Variants in EHBP1 observed in about 807,000 individuals in gnomAD.
The protein encoded by EHBP1 is EH domain-binding protein 1.
A neutral mutation model predicts 144.0 loss-of-function variants in EHBP1; 55 were observed. The ratio of observed to expected loss-of-function variants is 0.38; its 90% CI spans 0.31 to 0.48. The LOEUF (loss-of-function observed/expected upper bound fraction) is 0.48, where lower values mean the gene tolerates loss of function less well. Among genes scored for constraint, EHBP1 ranks in the 20% least tolerant of loss-of-function variants. The pLI is 0.98. For missense variants in EHBP1, 1,200 were observed against 1,364.2 expected (o/e 0.88, Z 1.90); for synonymous variants, 469 against 472.7 (o/e 0.99, Z 0.10).
At chr2:62,984,340 G>A (rs2059101005) in intron 15 of EHBP1, among the ~76,000 whole-genome samples, 1 of 152,062 alleles carries the variant, frequency 6.6e-6, no homozygotes. Context: ...TTATAGTGCT[G>A]TGCAGTGTCA....
intron 19 of EHBP1, among the ~76,000 whole-genome samples, chr2:63,035,582 A>G (rs2061414087): frequency 6.6e-6 from 1 of 152,126 alleles, no homozygotes; most frequent in South Asian, 2.1e-4. Context: ...AAAACCTCAA[A>G]TTATAGGTTA....
intron 19 of EHBP1, among the ~76,000 whole-genome samples, chr2:63,036,085 G>C (rs1202214433): frequency 2.0e-5 from 3 of 151,838 alleles, no homozygotes; most frequent in African/African-American, 7.2e-5. Flanking sequence ...TATTTTATAG[G>C]GATGCTCTGA....
intron 10 of EHBP1, among the ~76,000 whole-genome samples, chr2:62,923,265 A>G (rs1272373205): frequency 6.6e-6 from 1 of 151,902 alleles, no homozygotes; most frequent in Admixed American, 6.6e-5. Context: ...AACTCTCACT[A>G]CCCTCACTTC....
At chr2:63,027,087 G>T (rs1449468368) in intron 19 of EHBP1, among the ~76,000 whole-genome samples, 1 of 152,186 alleles carries the variant, frequency 6.6e-6, no homozygotes, top group Non-Finnish European at 1.5e-5. Flanking sequence ...GTGGCTAAGA[G>T]TGGTGGCTCA....
chr2:62,755,758 G>A lies in EHBP1; in HGVS notation c.162+8306G>A, dbSNP rs143578424. ...GGTCAATATAAGCTTTTGTGGGAAGGACCAATATAAGTTTATCCACTAAGT... is the reference window on the plus strand; with the variant it reads ...GGTCAATATAAGCTTTTGTGGGAAGAACCAATATAAGTTTATCCACTAAGT... On this transcript the variant is annotated intron_variant, in intron 3 of 22. Coordinates refer to ENST00000431489, the MANE Select transcript of EHBP1 (RefSeq NM_001142616.3). 2.6e-4 allele frequency among the ~76,000 whole-genome samples: 40 copies of A among 152,214 alleles called. No individual in the cohort carries two copies. The East Asian group carries it at 7.7e-3, about 29-fold the overall frequency.
intron 10 of EHBP1, among the ~76,000 whole-genome samples, chr2:62,876,954 A>C (rs759987830): frequency 6.6e-6 from 1 of 152,192 alleles, no homozygotes; most frequent in South Asian, 2.1e-4. Context: ...TCTATATAAC[A>C]ATTAGCTTAA....
At chr2:62,898,952 G>A (rs1469475212) in intron 10 of EHBP1, among the ~76,000 whole-genome samples, 1 of 152,098 alleles carries the variant, frequency 6.6e-6, no homozygotes, top group African/African-American at 2.4e-5. Flanking sequence ...TGTAGAATAT[G>A]CACCTACACG....
At chr2:62,964,240 G>A (rs2058133282) in intron 14 of EHBP1, among the ~76,000 whole-genome samples, 1 of 152,010 alleles carries the variant, frequency 6.6e-6, no homozygotes. Context: ...CGAACCCCTA[G>A]CCTCAAAAGT....
chr2:62,874,375 C>T lies in EHBP1; in HGVS notation c.1028C>T (p.Thr343Ile). ...AATCCTTTTTATGAACCTAAATCAA[C>T]TCCTCCTCCAAATAATTTGGTAAAT... ...ESNPFYEPKS[T>I]PPPNNLVNPV... Residue 343 changes from threonine (T) to isoleucine (I), a missense_variant, in exon 10 of 23, where the codon ACT becomes ATT. By Grantham distance (89) the Thr-to-Ile change is moderately conservative. Coordinates refer to ENST00000431489, the MANE Select transcript of EHBP1 (RefSeq NM_001142616.3). 6.2e-7 allele frequency: 1 copy of T among 1,605,044 alleles called. No homozygotes were observed. Among genetic ancestry groups the T allele is most frequent in the Non-Finnish European group, 8.5e-7 (1 of 1,176,186 alleles).
rs565694989 is a variant in EHBP1, at chr2:63,000,384, G to GT, written c.3103+3629dup. Among the ~76,000 whole-genome samples, 357 of 146,840 alleles carry GT rather than the reference G, an allele frequency of 2.4e-3. 3 individuals are homozygous for GT. The South Asian group carries it at 0.033, about 13-fold the overall frequency. On this transcript the variant is annotated intron_variant, in intron 19 of 22. Transcript: ENST00000431489. The stretch of plus-strand genomic sequence containing the variant: ...CCATGCTGTGTATGTGAGTGTGTGT[G>GT]TTTTTTTTTTTCTTTTAAACTATAT...
chr2:62,923,630 G>A (rs1183091895), intron 10 of EHBP1, among the ~76,000 whole-genome samples: 1 of 152,116 alleles, frequency 6.6e-6, no homozygotes, highest in Admixed American at 6.5e-5. Flanking sequence ...GGAGCTCCCA[G>A]GCTGCCTACA....
chr2:62,839,573 G>C (rs1392422847), intron 7 of EHBP1, among the ~76,000 whole-genome samples: 1 of 150,006 alleles, frequency 6.7e-6, no homozygotes, highest in Non-Finnish European at 1.5e-5. Flanking sequence ...CAGATGACAT[G>C]ATTGTATATC....
At chr2:62,905,113 G>C (rs2053693049) in intron 10 of EHBP1, among the ~76,000 whole-genome samples, 1 of 152,172 alleles carries the variant, frequency 6.6e-6, no homozygotes. Flanking sequence ...GCATGAACTG[G>C]ATAAAGATAT....
Position 62,955,535 on chromosome 2 carries a change from CAAG to C in EHBP1, c.2341_2343del (p.Glu781del). On this transcript the variant is annotated inframe_deletion, in exon 14 of 23. Coordinates refer to ENST00000431489, the MANE Select transcript of EHBP1 (RefSeq NM_001142616.3). ...TTTTAAGCATCGATTGTTATCTAGA[CAAG>C]AAGAACTTAAGGAAAGAGCAAGAGT... The C allele has an allele frequency of 1.2e-5, 20 of 1,610,552 alleles. No homozygotes were observed. The highest frequency in any genetic ancestry group is 1.7e-5 in the Non-Finnish European group (20 of 1,178,228).
At chr2:62,724,379 T>C (rs941516806) in intron 2 of EHBP1, among the ~76,000 whole-genome samples, 1 of 152,226 alleles carries the variant, frequency 6.6e-6, no homozygotes, top group Non-Finnish European at 1.5e-5. Context: ...CTGCATTGTT[T>C]TATTGTGATT....
At position 62,972,585 on chromosome 2, in the gene EHBP1, A is replaced by C. The variant is rs562930062; in HGVS notation, c.2461-6603A>C. ...CAAGCTTTTCCTTCATGACCTTAAC[A>C]ATTAACTTTTATTTTCTCAGTTGGT... On this transcript the variant is annotated intron_variant, in intron 14 of 22. Coordinates refer to ENST00000431489, the MANE Select transcript of EHBP1 (RefSeq NM_001142616.3). Among the ~76,000 whole-genome samples the C allele has an allele frequency of 5.3e-5, 8 of 152,282 alleles. No individual in the cohort carries two copies. The East Asian group carries it at 1.5e-3, about 29-fold the overall frequency.
intron 2 of EHBP1, among the ~76,000 whole-genome samples, chr2:62,738,036 A>G (rs1668557848): frequency 6.6e-6 from 1 of 152,066 alleles, no homozygotes; most frequent in African/African-American, 2.4e-5. Context: ...AGTTGTTGGG[A>G]TTATAGGCAC....
At chr2:62,852,908 A>G (rs1356310319) in intron 7 of EHBP1, among the ~76,000 whole-genome samples, 1 of 152,178 alleles carries the variant, frequency 6.6e-6, no homozygotes, top group African/African-American at 2.4e-5. Context: ...TGGAAGAAGA[A>G]ACTTTGTAAG....
intron 14 of EHBP1, among the ~76,000 whole-genome samples, chr2:62,978,185 CATA>C (rs1188847273): frequency 6.6e-6 from 1 of 150,972 alleles, no homozygotes; most frequent in Non-Finnish European, 1.5e-5. Flanking sequence ...ATTTGCGATT[CATA>C]ATATTAATAA....
Sources: gnomAD v4.1 joint callset for allele counts (sites outside exome capture counted in the v4.1 genomes callset) on GRCh38, gnomAD v4.1.1 for gene constraint, MANE v1.5 for transcripts, NCBI Gene and HGNC (gene_info 2026-07-23, HGNC 2026-07-21) for gene names.